Variants in PCDH15 observed in about 807,000 individuals in gnomAD.
The protein encoded by PCDH15 is protocadherin related 15, also known as protocadherin-15.
Under a neutral mutation model 178.5 loss-of-function variants are expected in PCDH15, and 129 were observed. That is an observed-to-expected ratio of 0.72 (90% CI 0.63 to 0.84). PCDH15 has a LOEUF of 0.84. PCDH15 is among the 40% of genes least tolerant of loss of function. The pLI, the probability that PCDH15 is intolerant of heterozygous loss-of-function variation, is 0.00. For synonymous variants in PCDH15, 800 were observed against 732.0 expected, an observed-to-expected ratio of 1.09 and a Z score of -1.50; for missense variants, 2,230 against 2,099.9, an observed-to-expected ratio of 1.06 and a Z score of -1.21.
At chr10:54,050,183 C>T (rs542850685) in intron 18 of PCDH15, among the ~76,000 whole-genome samples, 2 of 152,232 alleles carry the variant, frequency 1.3e-5, no homozygotes, top group African/African-American at 4.8e-5. Context: ...GTGAATCCAT[C>T]CTTTCAAGGG....
chr10:54,194,049 AC>A (rs1347686280), intron 11 of PCDH15, among the ~76,000 whole-genome samples: 9 of 142,584 alleles, frequency 6.3e-5, no homozygotes, highest in Non-Finnish European at 1.4e-4. Flanking sequence ...AATGTGAGAG[AC>A]CAGGAAAGAT....
intron 3 of PCDH15, among the ~76,000 whole-genome samples, chr10:54,848,619 AATTT>A (rs1186650987): frequency 2.6e-5 from 4 of 152,078 alleles, no homozygotes; most frequent in African/African-American, 9.7e-5. Context: ...ATAGAAAATG[AATTT>A]ATTTATTTAT....
intron 2 of PCDH15, among the ~76,000 whole-genome samples, chr10:55,559,947 T>C (rs916112600): frequency 4.6e-5 from 7 of 151,952 alleles, no homozygotes; most frequent in African/African-American, 9.7e-5. Flanking sequence ...AATGCCACCA[T>C]AGGAAAACTA....
chr10:55,232,512 A>C (rs1443512404), intron 1 of PCDH15, among the ~76,000 whole-genome samples: 2 of 152,106 alleles, frequency 1.3e-5, no homozygotes, highest in Non-Finnish European at 2.9e-5. Flanking sequence ...ACTTCCTGGA[A>C]CTTACATCTT....
chr10:55,423,274 G>A lies in PCDH15; in HGVS notation c.-156+204351C>T, dbSNP rs549571491. Among the ~76,000 whole-genome samples, 141 of 152,060 alleles carry A rather than the reference G, an allele frequency of 9.3e-4. 2 individuals carry two copies. The highest frequency in any genetic ancestry group is 8.5e-3 in the Admixed American group (129 of 15,252). ...TTACTTGTTTAAAATGTAAAGGGAA[G>A]GATGAATAAAGAAAAGGCAACAGAA... On this transcript the variant is annotated intron_variant, in intron 2 of 5. Transcript: ENST00000613346.
intron 2 of PCDH15, among the ~76,000 whole-genome samples, chr10:55,606,971 T>A (rs1359872954): frequency 4.0e-5 from 6 of 148,602 alleles, no homozygotes; most frequent in African/African-American, 1.0e-4. Context: ...ACCTACAAAA[T>A]GGGAGAAAAT....
chr10:54,134,402 C>T (rs1267351752), intron 14 of PCDH15, among the ~76,000 whole-genome samples: 1 of 152,034 alleles, frequency 6.6e-6, no homozygotes, highest in Non-Finnish European at 1.5e-5. Flanking sequence ...AAGACATGGT[C>T]ACCAAAAATA....
chr10:54,917,709 G>A (rs1265629772), intron 2 of PCDH15, among the ~76,000 whole-genome samples: 3 of 152,140 alleles, frequency 2.0e-5, no homozygotes, highest in African/African-American at 7.2e-5. Flanking sequence ...GACTAGAGGT[G>A]GTCTCCAGAA....
intron 1 of PCDH15, among the ~76,000 whole-genome samples, chr10:54,775,236 G>C (rs1287222496): frequency 2.0e-5 from 3 of 152,212 alleles, no homozygotes; most frequent in Non-Finnish European, 4.4e-5. Flanking sequence ...ATTTACTATT[G>C]TTATTATATC....
intron 2 of PCDH15, among the ~76,000 whole-genome samples, chr10:54,626,723 G>T (rs1306367408): frequency 6.6e-6 from 1 of 152,154 alleles, no homozygotes; most frequent in Admixed American, 6.5e-5. Flanking sequence ...TCCCTACACA[G>T]AGTCCCTATT....
chr10:54,291,380 A>G (rs1025258876), intron 8 of PCDH15, among the ~76,000 whole-genome samples: 2 of 152,204 alleles, frequency 1.3e-5, no homozygotes, highest in African/African-American at 2.4e-5. Context: ...GGAAAGATCT[A>G]AAATCAATAC....
intron 3 of PCDH15, among the ~76,000 whole-genome samples, chr10:54,815,476 G>C (rs1952933235): frequency 6.6e-6 from 1 of 152,056 alleles, no homozygotes; most frequent in African/African-American, 2.4e-5. Flanking sequence ...TGTTGCTATT[G>C]CGGTGAGCTC....
intron 3 of PCDH15, among the ~76,000 whole-genome samples, chr10:54,858,637 T>G (rs1027501088): frequency 3.3e-5 from 5 of 152,118 alleles, no homozygotes; most frequent in Admixed American, 1.3e-4. Flanking sequence ...AACCACCAGA[T>G]GCATATATAA....
Position 53,863,542 on chromosome 10 carries a change from G to A in PCDH15, c.3717+3100C>T, listed in dbSNP as rs530748363. Among the ~76,000 whole-genome samples the A allele has an allele frequency of 5.3e-5, 8 of 152,258 alleles. No individual in the cohort carries two copies. The South Asian group carries it at 1.7e-3, about 32-fold the overall frequency. ...ACTCTTATGATTAGAGGGTTTAAGAGAGGGTTTAAGAGAGGGTTCAATAGT... is the reference window on the plus strand; with the variant it reads ...ACTCTTATGATTAGAGGGTTTAAGAAAGGGTTTAAGAGAGGGTTCAATAGT... On this transcript the variant is annotated intron_variant, in intron 27 of 37. Transcript: ENST00000644397.
chr10:53,957,003 T>C (rs2087677301), intron 23 of PCDH15, among the ~76,000 whole-genome samples: 1 of 152,220 alleles, frequency 6.6e-6, no homozygotes, highest in Non-Finnish European at 1.5e-5. Context: ...AGCAATGCCC[T>C]GTTTCAATTT....
Position 55,355,273 on chromosome 10 carries a change from C to T in PCDH15, c.-155-188622G>A, listed in dbSNP as rs144015249. Among the ~76,000 whole-genome samples, 338 of 151,862 alleles carry T rather than the reference C, an allele frequency of 2.2e-3. 3 individuals are homozygous for T. The highest frequency in any genetic ancestry group is 7.6e-3 in the African/African-American group (316 of 41,458). On this transcript the variant is annotated intron_variant, in intron 2 of 5. Coordinates refer to the PCDH15 transcript ENST00000613346. ...TCATTTCTCTAGATAAAGTAAATGCCGAAGATTGGATTGCTCGGTCACATA... is the reference window on the plus strand; with the variant it reads ...TCATTTCTCTAGATAAAGTAAATGCTGAAGATTGGATTGCTCGGTCACATA...
intron 1 of PCDH15, among the ~76,000 whole-genome samples, chr10:55,211,471 C>T (rs553191216): frequency 6.6e-6 from 1 of 152,138 alleles, no homozygotes; most frequent in East Asian, 1.9e-4. Flanking sequence ...AAAATATAAA[C>T]ATTTAGGGAA....
intron 2 of PCDH15, among the ~76,000 whole-genome samples, chr10:55,568,128 T>A (rs1446232372): frequency 1.3e-5 from 2 of 152,022 alleles, no homozygotes; most frequent in African/African-American, 2.4e-5. Context: ...ATAGCATTAC[T>A]AATAATAGCT....
At chr10:55,113,371 G>A (rs915041782) in intron 2 of PCDH15, among the ~76,000 whole-genome samples, 9 of 150,274 alleles carry the variant, frequency 6.0e-5, no homozygotes, top group African/African-American at 2.2e-4. Flanking sequence ...TGTGATGTAT[G>A]TTAATTTTTA....
Sources: allele counts gnomAD v4.1 joint callset (sites outside exome capture counted in the v4.1 genomes callset), GRCh38; gene constraint gnomAD v4.1.1; transcripts MANE v1.5; gene names NCBI Gene and HGNC (gene_info 2026-07-23, HGNC 2026-07-21).